The following TBC1D14 variants were observed in gnomAD, a reference collection of about 807,000 sequenced individuals.
The protein encoded by TBC1D14 is TBC1 domain family, member 14.
TBC1D14 carries 26 observed loss-of-function variants against 79.0 expected under a neutral mutation model. The ratio of observed to expected loss-of-function variants is 0.33; its 90% confidence interval spans 0.24 to 0.46. The LOEUF is 0.46. Ranked by LOEUF, TBC1D14 falls within the 20% of genes least tolerant of loss-of-function variation. The probability of loss-of-function intolerance (pLI) is 1.00; values close to 1 mark genes in which losing one functional copy is unlikely to be tolerated. For synonymous variants in TBC1D14, 394 were observed against 349.9 expected, an observed-to-expected ratio of 1.13 and a Z score of -1.40; for missense variants, 769 against 887.6, an observed-to-expected ratio of 0.87 and a Z score of 1.70.
chr4:6,909,638 C>G (rs1352414198), upstream of TBC1D14: 2 of 151,600 alleles, frequency 1.3e-5, no homozygotes, highest in African/African-American at 4.8e-5. Context: ...AGGCCCGCGG[C>G]GGGCGGCCCC....
In TBC1D14 at chr4:6,923,927, C is replaced by T. The variant is rs140427960; in HGVS notation, c.538C>T (p.Leu180Phe). ...CGTCAGCAATGAGGACATCTTGGACCTTGTGGTCACGAGCAGCTCCAGTGC... is the reference window on the plus strand; with the variant it reads ...CGTCAGCAATGAGGACATCTTGGACTTTGTGGTCACGAGCAGCTCCAGTGC... The part of the protein sequence containing the change: ...LSVSNEDILD[L>F]VVTSSSSAIV... Residue 180 changes from leucine to phenylalanine, a missense_variant, in exon 2 of 14, where the codon CTT (leucine) becomes TTT (phenylalanine). Around this residue, in one of 2 missense-constraint regions of TBC1D14, gnomAD observed 402 missense variants for 393.2 expected, o/e 1.02. Coordinates refer to ENST00000409757, the MANE Select transcript of TBC1D14 (RefSeq NM_020773.3). 6.2e-7 allele frequency: 1 copy of T among 1,614,128 alleles called. No individual in the cohort carries two copies. The highest frequency in any genetic ancestry group is 8.5e-7 in the Non-Finnish European group (1 of 1,180,022).
chr4:7,010,602 G>T, intron 10 of TBC1D14, 51 bp from the exon 11 acceptor site: 1 of 1,592,132 alleles, frequency 6.3e-7, no homozygotes, highest in Non-Finnish European at 8.6e-7. Context: ...AACACACTAC[G>T]GTGACCCTGT....
intron 2 of TBC1D14, among the ~76,000 whole-genome samples, chr4:6,925,768 T>A (rs1422630108): frequency 6.6e-6 from 1 of 152,054 alleles, no homozygotes; most frequent in Non-Finnish European, 1.5e-5. Context: ...TATCGCGGTG[T>A]TGCTGTGGTT....
chr4:7,003,150 G>C (rs1719837370), intron 7 of TBC1D14, among the ~76,000 whole-genome samples: 1 of 152,216 alleles, frequency 6.6e-6, no homozygotes, highest in African/African-American at 2.4e-5. Flanking sequence ...CAGGGGGTTT[G>C]GGCAGAAGGT....
At chr4:6,971,574 G>C (rs1716232699) in intron 3 of TBC1D14, among the ~76,000 whole-genome samples, 1 of 152,224 alleles carries the variant, frequency 6.6e-6, no homozygotes, top group South Asian at 2.1e-4. Flanking sequence ...AACCTCGATG[G>C]TAGTTTGAGA....
chr4:6,993,240 T>C (rs1008581229), intron 3 of TBC1D14, among the ~76,000 whole-genome samples: 3 of 152,242 alleles, frequency 2.0e-5, no homozygotes, highest in African/African-American at 7.2e-5. Flanking sequence ...GTCTGTAATA[T>C]TTCCTTAATT....
At chr4:6,977,367 C>A (rs1433400469) in intron 3 of TBC1D14, among the ~76,000 whole-genome samples, 3 of 145,518 alleles carry the variant, frequency 2.1e-5, no homozygotes, top group Non-Finnish European at 4.6e-5. Context: ...GAGTGATCCG[C>A]CAGCCTCGGC....
chr4:7,008,260 A>T (rs1720409026), intron 9 of TBC1D14, among the ~76,000 whole-genome samples: 1 of 152,258 alleles, frequency 6.6e-6, no homozygotes, highest in Non-Finnish European at 1.5e-5. Context: ...GTTTCTTCCC[A>T]GGTCTTTCAT....
intron 1 of TBC1D14, among the ~76,000 whole-genome samples, chr4:6,914,389 A>G (rs1287420845): frequency 2.0e-5 from 3 of 152,138 alleles, no homozygotes; most frequent in Non-Finnish European, 2.9e-5. Context: ...TTTCAGGACT[A>G]TTTTTATCCT....
chr4:6,985,385 C>T (rs780801625), intron 3 of TBC1D14, among the ~76,000 whole-genome samples: 23 of 152,152 alleles, frequency 1.5e-4, no homozygotes, highest in Non-Finnish European at 2.2e-4. Flanking sequence ...CTTTTTCTCA[C>T]GACTTTTACC....
chr4:6,993,096 C>G (rs1718671946), intron 3 of TBC1D14, among the ~76,000 whole-genome samples: 1 of 152,180 alleles, frequency 6.6e-6, no homozygotes, highest in Non-Finnish European at 1.5e-5. Flanking sequence ...CTCTTGACAG[C>G]TAGTTTCCCT....
At chr4:7,005,378 T>C (rs1720079822) in intron 8 of TBC1D14, among the ~76,000 whole-genome samples, 1 of 151,948 alleles carries the variant, frequency 6.6e-6, no homozygotes, top group African/African-American at 2.4e-5. Context: ...CTACTAAAAA[T>C]AGAAAAATTA....
At chr4:6,941,139 G>C (rs897535311) in intron 2 of TBC1D14, among the ~76,000 whole-genome samples, 1 of 147,404 alleles carries the variant, frequency 6.8e-6, no homozygotes, top group Non-Finnish European at 1.5e-5. Flanking sequence ...ATTTCCTTCT[G>C]TTGGTGGGCT....
rs946202721 is a variant in TBC1D14, at chr4:6,999,347, T to A, written c.1163+145T>A. On this transcript the variant is annotated intron_variant, in intron 6 of 13. Transcript: ENST00000409757. ...TCATCTTCCTTCCCTCTACCCTGGC[T>A]CAGCCTGCGCCATCCCTTGCTTGGA... 8.3e-6 allele frequency: 6 copies of A among 720,918 alleles called. No homozygotes were observed. The African/African-American group carries it at 1.1e-4, about 13-fold the overall frequency. The allele number at this position is 720,918 out of a possible 1,614,324, so 44.7% of individuals were successfully genotyped here. A position where few individuals can be genotyped will look rare whatever the true frequency, so the allele number is the denominator to read the frequency against.
At chr4:6,945,742 T>C (rs1218927224) in intron 2 of TBC1D14, among the ~76,000 whole-genome samples, 1 of 76,122 alleles carries the variant, frequency 1.3e-5, no homozygotes, top group East Asian at 3.5e-4. Context: ...AGAGCAAAAC[T>C]GCGTCTCAAA....
At chr4:7,009,846 T>G in intron 9 of TBC1D14, 31 bp from the exon 10 acceptor site, 2 of 1,609,280 alleles carry the variant, frequency 1.2e-6, no homozygotes, top group Non-Finnish European at 1.7e-6. Flanking sequence ...TACTCATGCA[T>G]GTGTTGTTTT....
intron 2 of TBC1D14, among the ~76,000 whole-genome samples, chr4:6,966,699 A>G (rs1715726921): frequency 6.6e-6 from 1 of 152,262 alleles, no homozygotes; most frequent in South Asian, 2.1e-4. Flanking sequence ...CAGAGTTTCA[A>G]TTCAGTTTAG....
At chr4:6,979,055 T>G (rs1717117761) in intron 3 of TBC1D14, among the ~76,000 whole-genome samples, 2 of 152,238 alleles carry the variant, frequency 1.3e-5, no homozygotes, top group East Asian at 1.9e-4. Context: ...CTAAGTAGAT[T>G]GTGAAAAGTT....
chr4:7,016,628 T>C (rs1431527291), intron 12 of TBC1D14, among the ~76,000 whole-genome samples: 1 of 152,268 alleles, frequency 6.6e-6, no homozygotes, highest in Admixed American at 6.5e-5. Context: ...TGTGACCCAA[T>C]GTGTGCAGAA....
Sources: gnomAD v4.1 joint callset for allele counts (sites outside exome capture counted in the v4.1 genomes callset) on GRCh38, gnomAD v4.1.1 for gene constraint, gnomAD v4.1.1 regional missense constraint, MANE v1.5 for transcripts, NCBI Gene and HGNC (gene_info 2026-07-23, HGNC 2026-07-21) for gene names.